AUH: variants seen among roughly 807,000 people sequenced by gnomAD.
AUH encodes the protein AU RNA binding methylglutaconyl-CoA hydratase.
In AUH, 29 loss-of-function variants were observed where a neutral mutation model predicts 42.3. The ratio of observed to expected loss-of-function variants is 0.69; its 90% confidence interval spans 0.51 to 0.93. The LOEUF is 0.93. AUH is among the 40% of genes least tolerant of loss of function. The pLI is 0.00. For synonymous variants in AUH, 174 were observed against 166.4 expected, an observed-to-expected ratio of 1.05 and a Z score of -0.35; for missense variants, 452 against 438.1, an observed-to-expected ratio of 1.03 and a Z score of -0.28.
intron 6 of AUH, among the ~76,000 whole-genome samples, chr9:91,258,249 T>TG (rs1399485821): frequency 1.3e-5 from 2 of 152,228 alleles, no homozygotes; most frequent in Non-Finnish European, 2.9e-5. Flanking sequence ...CTTTTTGAGA[T>TG]GGAGTTTCAC....
chr9:91,227,786 C>A (rs373341678), intron 6 of AUH, among the ~76,000 whole-genome samples: 1 of 152,146 alleles, frequency 6.6e-6, no homozygotes, highest in Non-Finnish European at 1.5e-5. Context: ...TTGTCAAAGG[C>A]CTTTTCTGCA....
chr9:91,293,519 C>A (rs1827080700), intron 6 of AUH, among the ~76,000 whole-genome samples: 1 of 152,230 alleles, frequency 6.6e-6, no homozygotes, highest in Non-Finnish European at 1.5e-5. Flanking sequence ...TAATCCAGAG[C>A]AAAGCCCTAA....
At chr9:91,230,323 C>T (rs1446003334) in intron 6 of AUH, among the ~76,000 whole-genome samples, 2 of 152,166 alleles carry the variant, frequency 1.3e-5, no homozygotes, top group Non-Finnish European at 2.9e-5. Context: ...ATTGCTGATA[C>T]CTTTTCTTCC....
intron 3 of AUH, among the ~76,000 whole-genome samples, chr9:91,346,419 G>C (rs1219316325): frequency 6.6e-6 from 1 of 152,170 alleles, no homozygotes; most frequent in Non-Finnish European, 1.5e-5. Context: ...CCTGGAGAGG[G>C]TATGGAAGCT....
At chr9:91,300,988 A>G (rs990017207) in intron 4 of AUH, among the ~76,000 whole-genome samples, 36 of 152,342 alleles carry the variant, frequency 2.4e-4, no homozygotes, top group Admixed American at 2.2e-3. Flanking sequence ...ATGCTACTCA[A>G]TAACGTTCTT....
chr9:91,361,783 A>G lies in AUH; in HGVS notation c.107T>C (p.Leu36Pro), dbSNP rs1254365778. 5 of 1,543,646 alleles carry G rather than the reference A, an allele frequency of 3.2e-6. No individual in the cohort carries two copies. Among genetic ancestry groups the G allele is most frequent in the Non-Finnish European group, 3.5e-6 (4 of 1,146,034 alleles). ...CSAWLCPGLR[L>P]PGSLAGRRAG... The stretch of plus-strand genomic sequence containing the variant: ...TCGCCGGCCTGCCAACGAGCCGGGC[A>G]GCCTCAACCCCGGGCAGAGCCACGC... The change falls in exon 1 of 10, where the codon CTG becomes CCG. Residue 36 changes from leucine to proline, a missense_variant. Transcript: ENST00000375731.
intron 5 of AUH, 98 bp from the exon 6 acceptor site, chr9:91,296,175 A>G: frequency 1.7e-6 from 2 of 1,174,136 alleles, no homozygotes; most frequent in Non-Finnish European, 2.5e-6. Flanking sequence ...ATTGTTTACT[A>G]ATTAAATTGA....
At chr9:91,226,288 T>G (rs1037524805) in intron 6 of AUH, among the ~76,000 whole-genome samples, 1 of 149,782 alleles carries the variant, frequency 6.7e-6, no homozygotes, top group African/African-American at 2.4e-5. Flanking sequence ...GATTTGCATT[T>G]CTCTGACGGC....
intron 6 of AUH, among the ~76,000 whole-genome samples, chr9:91,292,468 G>A (rs949441765): frequency 9.2e-5 from 14 of 151,864 alleles, no homozygotes; most frequent in South Asian, 6.3e-4. Context: ...TAGTAGAGAC[G>A]GGGTTTCACC....
chr9:91,324,172 C>T (rs971433633), intron 4 of AUH, among the ~76,000 whole-genome samples: 3 of 151,742 alleles, frequency 2.0e-5, no homozygotes, highest in Non-Finnish European at 4.4e-5. Flanking sequence ...TTAAATAATC[C>T]TATAAAAGGA....
chr9:91,352,585 G>C (rs1030360617), intron 3 of AUH, among the ~76,000 whole-genome samples: 5 of 152,000 alleles, frequency 3.3e-5, no homozygotes, highest in African/African-American at 1.2e-4. Context: ...CTAAATAATA[G>C]ATTTCTGAGA....
At chr9:91,244,662 T>C (rs1003188098) in intron 6 of AUH, among the ~76,000 whole-genome samples, 3 of 152,150 alleles carry the variant, frequency 2.0e-5, no homozygotes, top group African/African-American at 7.2e-5. Flanking sequence ...CTTACCAGTG[T>C]CCTGAGGGTT....
chr9:91,316,363 T>A (rs1329060884), intron 4 of AUH, among the ~76,000 whole-genome samples: 1 of 152,178 alleles, frequency 6.6e-6, no homozygotes, highest in African/African-American at 2.4e-5. Context: ...ATAAAAACAG[T>A]CTTTAAGTTA....
chr9:91,325,554 A>G, intron 3 of AUH, 150 bp from the exon 4 acceptor site: 1 of 696,458 alleles, frequency 1.4e-6, no homozygotes, highest in Non-Finnish European at 2.6e-6. Context: ...TTCCTTCCCA[A>G]TGACCATGTT....
chr9:91,237,667 C>G (rs1370674820), intron 6 of AUH, among the ~76,000 whole-genome samples: 1 of 151,144 alleles, frequency 6.6e-6, no homozygotes, highest in Non-Finnish European at 1.5e-5. Context: ...TATTGATGCT[C>G]AAACTACCCC....
At chr9:91,265,846 T>C (rs1481849830) in intron 6 of AUH, among the ~76,000 whole-genome samples, 1 of 152,228 alleles carries the variant, frequency 6.6e-6, no homozygotes, top group Non-Finnish European at 1.5e-5. Flanking sequence ...ACCCGTCTCA[T>C]CTGTAAAATC....
chr9:91,253,095 A>G (rs1038319141), intron 6 of AUH, among the ~76,000 whole-genome samples: 34 of 152,376 alleles, frequency 2.2e-4, no homozygotes, highest in African/African-American at 7.9e-4. Context: ...CCAAGATTCT[A>G]CAATAATCTT....
Position 91,213,923 on chromosome 9 carries a change from T to C in AUH, c.*425A>G, listed in dbSNP as rs1424732378. On this transcript the variant is annotated 3_prime_UTR_variant, in exon 10 of 10. Transcript: ENST00000375731. ...ATGTATATGTAGCTGTTCGTATGCA[T>C]TAATCACTTAGAAACTTTATTTGGT... 1 of 166,114 alleles carries C rather than the reference T, an allele frequency of 6.0e-6. No homozygotes were observed. Among genetic ancestry groups the C allele is most frequent in the East Asian group, 1.6e-4 (1 of 6,372 alleles). 10.3% of individuals were successfully genotyped at this position (166,114 alleles called of 1,614,324 possible).
At chr9:91,350,843 T>A (rs1459563224) in intron 3 of AUH, among the ~76,000 whole-genome samples, 1 of 151,622 alleles carries the variant, frequency 6.6e-6, no homozygotes, top group Non-Finnish European at 1.5e-5. Context: ...AAAAGAAAAA[T>A]ACACTAATAT....
Sources: gnomAD v4.1 joint callset for allele counts (sites outside exome capture counted in the v4.1 genomes callset) on GRCh38, gnomAD v4.1.1 for gene constraint, MANE v1.5 for transcripts, NCBI Gene and HGNC (gene_info 2026-07-23, HGNC 2026-07-21) for gene names.